Variants in ZNF790 observed in about 807,000 individuals in gnomAD.
ZNF790 encodes zinc finger protein 790.
ZNF790 carries 8 observed loss-of-function variants against 12.1 expected under a neutral mutation model. The ratio of observed to expected loss-of-function variants is 0.66; its 90% CI spans 0.39 to 1.19. The LOEUF (loss-of-function observed/expected upper bound fraction) is 1.19. ZNF790 is among the 50% of genes most tolerant of loss of function. The pLI is 0.01. For missense variants in ZNF790, 707 were observed against 752.2 expected, an observed-to-expected ratio of 0.94 and a Z score of 0.70; for synonymous variants, 252 against 244.3, an observed-to-expected ratio of 1.03 and a Z score of -0.29.
At chr19:36,847,962 C>T (rs486221) in intron 1 of ZNF790, among the ~76,000 whole-genome samples, 38,845 of 152,064 alleles carry the variant, frequency 0.26, 5,431 homozygotes, top group Non-Finnish European at 0.32. Context: ...CTACCAGACA[C>T]CTATCCTGCT....
At chr19:36,840,315 G>A (rs1343734137), upstream of ZNF790, among the ~76,000 whole-genome samples, 1 of 152,150 alleles carries the variant, frequency 6.6e-6, no homozygotes, top group Non-Finnish European at 1.5e-5. Context: ...GGCTCACAGT[G>A]AAGTGATACA....
chr19:36,846,163 A>T (rs1473692353), intron 1 of ZNF790, among the ~76,000 whole-genome samples: 1 of 152,070 alleles, frequency 6.6e-6, no homozygotes, highest in African/African-American at 2.4e-5. Flanking sequence ...TTCATTGTCC[A>T]CTTCCCCAAC....
chr19:36,847,376 A>C (rs2072189907), intron 1 of ZNF790, among the ~76,000 whole-genome samples: 1 of 151,990 alleles, frequency 6.6e-6, no homozygotes, highest in African/African-American at 2.4e-5. Context: ...ACAAAAAACA[A>C]AACAAAAACA....
chr19:36,844,299 AG>A (rs1373256058), intron 1 of ZNF790, among the ~76,000 whole-genome samples: 1 of 151,610 alleles, frequency 6.6e-6, no homozygotes, highest in Non-Finnish European at 1.5e-5. Flanking sequence ...CAATAAAGCA[AG>A]ACCCTGTCTC....
At chr19:36,824,859 A>G (rs1252329184) in intron 2 of ZNF790, among the ~76,000 whole-genome samples, 1 of 152,232 alleles carries the variant, frequency 6.6e-6, no homozygotes, top group Non-Finnish European at 1.5e-5. Flanking sequence ...TGCTTAAGCT[A>G]CTACTTTTAG....
chr19:36,830,445 CTTG>C (rs1043888451), intron 1 of ZNF790, among the ~76,000 whole-genome samples: 1 of 152,156 alleles, frequency 6.6e-6, no homozygotes, highest in Non-Finnish European at 1.5e-5. Flanking sequence ...TTTGCTACTA[CTTG>C]TTGAGGATTT....
chr19:36,818,120 G>A lies in ZNF790; in HGVS notation c.*313C>T, dbSNP rs1376839504. ...TAACAGGTGTGAGCCACCATGCTTGGCCAAATTATATATAAATTCTTTATG... is the reference window on the plus strand; with the variant it reads ...TAACAGGTGTGAGCCACCATGCTTGACCAAATTATATATAAATTCTTTATG... On this transcript the variant is annotated 3_prime_UTR_variant, in exon 5 of 5. Coordinates refer to ENST00000356725, the MANE Select transcript of ZNF790 (RefSeq NM_206894.4). 1.1e-5 allele frequency: 2 copies of A among 177,664 alleles called. No individual in the cohort carries two copies. The highest frequency in any genetic ancestry group is 1.5e-4 in the East Asian group (1 of 6,882). The allele number at this position is 177,664 out of a possible 1,614,324, so 11.0% of individuals were successfully genotyped here.
chr19:36,838,435 C>T (rs957027254), upstream of ZNF790: 25 of 152,304 alleles, frequency 1.6e-4, no homozygotes, highest in African/African-American at 5.8e-4. This position sits in a 1 kb window ranked among gnomAD's most constrained non-coding sequence, Gnocchi z 4.4. Context: ...GAACGGTGCA[C>T]TCTGGGAAAT....
chr19:36,848,214 A>C (rs1161771457), intron 1 of ZNF790, among the ~76,000 whole-genome samples: 2 of 152,192 alleles, frequency 1.3e-5, no homozygotes, highest in Non-Finnish European at 2.9e-5. Context: ...TAAAGCCCCT[A>C]CATAACCACA....
intron 1 of ZNF790, among the ~76,000 whole-genome samples, chr19:36,845,575 GAGTTAA>G (rs2072172892): frequency 6.6e-6 from 1 of 152,172 alleles, no homozygotes; most frequent in African/African-American, 2.4e-5. Flanking sequence ...GAGGTAAATG[GAGTTAA>G]AGTGTCCCAA....
Position 36,818,692 on chromosome 19 carries a change from C to G in ZNF790, c.1652G>C (p.Arg551Pro). 6.2e-7 allele frequency: 1 copy of G among 1,613,624 alleles called. No homozygotes were observed. Among genetic ancestry groups the G allele is most frequent in the South Asian group, 1.1e-5 (1 of 91,044 alleles). The stretch of plus-strand genomic sequence containing the variant: ...TGCATCAGTATGAATTTTCTTATGT[C>G]GTGTAAGCTGTGAACCCCAGATAAA... ...KSFIWGSQLT[R>P]HKKIHTDAEP... Residue 551 changes from arginine to proline, a missense_variant, in exon 5 of 5, where the codon CGA becomes CCA. Coordinates refer to ENST00000356725, the MANE Select transcript of ZNF790 (RefSeq NM_206894.4).
intron 1 of ZNF790, among the ~76,000 whole-genome samples, chr19:36,835,096 G>T (rs1018692767): frequency 6.6e-6 from 1 of 152,170 alleles, no homozygotes; most frequent in Non-Finnish European, 1.5e-5. Context: ...GACCAGCCTG[G>T]CCAATGTGGT....
At chr19:36,849,671 A>G (rs1436596664) in intron 1 of ZNF790, among the ~76,000 whole-genome samples, 2 of 152,060 alleles carry the variant, frequency 1.3e-5, no homozygotes, top group Non-Finnish European at 2.9e-5. Flanking sequence ...CAACCTTGTT[A>G]TCACAATTTA....
At chr19:36,836,877 AGGG>A (rs1344749632) in intron 1 of ZNF790, among the ~76,000 whole-genome samples, 1 of 152,180 alleles carries the variant, frequency 6.6e-6, no homozygotes, top group Non-Finnish European at 1.5e-5. Context: ...CCTGTGCACT[AGGG>A]GATAAATTGC....
intron 3 of ZNF790, 86 bp downstream of exon 3, chr19:36,823,581 C>CTGA: frequency 6.5e-7 from 1 of 1,538,858 alleles, no homozygotes; most frequent in South Asian, 1.2e-5. Context: ...AAACAAAGGT[C>CTGA]AGAAGTTACC....
At chr19:36,847,892 G>A (rs1307073203) in intron 1 of ZNF790, among the ~76,000 whole-genome samples, 1 of 152,172 alleles carries the variant, frequency 6.6e-6, no homozygotes, top group Non-Finnish European at 1.5e-5. Context: ...TGGGGACACA[G>A]CATTCCTGCC....
At position 36,819,153 on chromosome 19, in the gene ZNF790, C is replaced by T; in HGVS notation, c.1191G>A (p.Glu397=). Reference sequence around the variant, plus strand: ...TCCAAATATAGGCTTTCCCACATTTCTCACATTTATAAGGTTTCCTACCAA... The same window carrying T: ...TCCAAATATAGGCTTTCCCACATTTTTCACATTTATAAGGTTTCCTACCAA... ...VHVGRKPYKC[E]KCGKAYIWSS... Residue 397 remains glutamate, a synonymous_variant, in exon 5 of 5, where the codon GAG becomes GAA. Transcript: ENST00000356725. 1 of 1,613,572 alleles carries T rather than the reference C, an allele frequency of 6.2e-7. No individual in the cohort carries two copies. The highest frequency in any genetic ancestry group is 1.1e-5 in the South Asian group (1 of 91,042).
intron 1 of ZNF790, among the ~76,000 whole-genome samples, chr19:36,843,616 A>G (rs184501540): frequency 2.0e-5 from 3 of 152,314 alleles, no homozygotes; most frequent in Admixed American, 1.3e-4. Flanking sequence ...GGAAGATATT[A>G]TCTGCAGCCT....
chr19:36,838,506 C>A (rs1365497436), upstream of ZNF790: 2 of 152,266 alleles, frequency 1.3e-5, no homozygotes, highest in African/African-American at 4.8e-5. This position sits in a 1 kb window ranked among gnomAD's most constrained non-coding sequence, Gnocchi z 4.4. Context: ...ATTAACGGAC[C>A]CTGCATTTGA....
Sources: gnomAD v4.1 joint callset for allele counts (sites outside exome capture counted in the v4.1 genomes callset) on GRCh38, gnomAD v4.1.1 for gene constraint, Gnocchi (gnomAD v3.1) non-coding constraint, MANE v1.5 for transcripts, NCBI Gene and HGNC (gene_info 2026-07-23, HGNC 2026-07-21) for gene names.